Variants in CHRNB4 observed in about 807,000 individuals in gnomAD.
The protein encoded by CHRNB4 is neuronal acetylcholine receptor subunit beta-4.
Under a neutral mutation model 40.4 loss-of-function variants are expected in CHRNB4, and 23 were observed. That is an observed-to-expected ratio of 0.57 (90% CI 0.41 to 0.81). The LOEUF is 0.81. Ranked by LOEUF, CHRNB4 falls within the 30% of genes least tolerant of loss-of-function variation. CHRNB4 has a pLI of 0.00. For synonymous variants in CHRNB4, 285 were observed against 274.4 expected (o/e 1.04, Z -0.38); for missense variants, 568 against 670.6 (o/e 0.85, Z 1.69).
At position 78,624,849 on chromosome 15, in the gene CHRNB4, A is replaced by T; in HGVS notation, c.*284T>A. 1 of 1,005,834 alleles carries T rather than the reference A, an allele frequency of 9.9e-7. No homozygotes were observed. Among genetic ancestry groups the T allele is most frequent in the Non-Finnish European group, 1.4e-6 (1 of 713,402 alleles). The allele number at this position is 1,005,834 out of a possible 1,614,324, so 62.3% of individuals were successfully genotyped here. A position where few individuals can be genotyped will look rare whatever the true frequency, so the allele number is the denominator to read the frequency against. On this transcript the variant is annotated 3_prime_UTR_variant, in exon 6 of 6. Coordinates refer to ENST00000261751, the MANE Select transcript of CHRNB4 (RefSeq NM_000750.5). ...CTGAAGCATAGTAGGTGCTGCTACG[A>T]AGTCATCTTTATCCCCATTGCCCGG... is the stretch of plus-strand genomic sequence containing the variant.
At chr15:78,628,940 G>A in intron 5 of CHRNB4, 27 bp downstream of exon 5, 1 of 1,588,596 alleles carries the variant, frequency 6.3e-7, no homozygotes, top group Admixed American at 1.7e-5. Context: ...TGTTGGGCAG[G>A]TGGGCAGGGG....
chr15:78,660,043 CTAA>C (rs1179362677), intron 1 of CHRNB4, among the ~76,000 whole-genome samples: 2 of 151,984 alleles, frequency 1.3e-5, no homozygotes, highest in Non-Finnish European at 2.9e-5. Context: ...CCCTTCTCTA[CTAA>C]TAATACAAAA....
At chr15:78,634,434 C>T (rs960426511) in intron 2 of CHRNB4, among the ~76,000 whole-genome samples, 10 of 152,330 alleles carry the variant, frequency 6.6e-5, no homozygotes, top group African/African-American at 2.2e-4. Context: ...GGTCCGACTA[C>T]GGAGGGAGAG....
chr15:78,660,763 C>T (rs2054245725), upstream of CHRNB4: 1 of 200,998 alleles, frequency 5.0e-6, no homozygotes, highest in African/African-American at 2.3e-5. Flanking sequence ...TCAGCTTTGC[C>T]CTGGCCTGGG....
At chr15:78,638,631 G>GC (rs959643087) in intron 1 of CHRNB4, among the ~76,000 whole-genome samples, 2 of 152,070 alleles carry the variant, frequency 1.3e-5, no homozygotes, top group African/African-American at 2.4e-5. Flanking sequence ...GGGGGGCCGG[G>GC]GGGGTGGTGC....
chr15:78,630,305 A>G (rs2053775729), intron 4 of CHRNB4, among the ~76,000 whole-genome samples: 1 of 151,890 alleles, frequency 6.6e-6, no homozygotes, highest in South Asian at 2.1e-4. Flanking sequence ...CGCCCGGCTA[A>G]TTTTGTATTT....
At chr15:78,649,638 A>G (rs947506360) in intron 6 of CHRNB4, among the ~76,000 whole-genome samples, 3 of 152,240 alleles carry the variant, frequency 2.0e-5, no homozygotes, top group Admixed American at 1.3e-4. Flanking sequence ...AAAAATGTTA[A>G]GCAAAAAAGT....
intron 1 of CHRNB4, among the ~76,000 whole-genome samples, chr15:78,637,974 T>C (rs1008804242): frequency 6.6e-6 from 1 of 152,098 alleles, no homozygotes; most frequent in Non-Finnish European, 1.5e-5. Context: ...TAGAGCTGGG[T>C]CCCTCCCACA....
intron 4 of CHRNB4, 46 bp downstream of exon 4, chr15:78,631,030 G>A (rs1476574886): frequency 6.7e-7 from 1 of 1,495,878 alleles, no homozygotes; most frequent in Admixed American, 1.7e-5. Context: ...TGGGCCTGCT[G>A]CCCTGGCCTG....
chr15:78,625,399 G>A (rs1367696588), intron 5 of CHRNB4, 108 bp from the exon 6 acceptor site: 2 of 1,059,480 alleles, frequency 1.9e-6, no homozygotes, highest in Non-Finnish European at 2.7e-6. Flanking sequence ...CCACAGGCGT[G>A]GAACTGCATA....
At chr15:78,661,533 A>G (rs1034771987), upstream of CHRNB4, 4 of 540,778 alleles carry the variant, frequency 7.4e-6, no homozygotes, top group African/African-American at 7.7e-5. Flanking sequence ...CAACAGCCTC[A>G]GGTAGATATC....
intron 4 of CHRNB4, among the ~76,000 whole-genome samples, chr15:78,630,397 C>T (rs1175919770): frequency 6.6e-6 from 1 of 152,178 alleles, no homozygotes; most frequent in East Asian, 1.9e-4. Context: ...CTCGGCCTCC[C>T]AAAGTGCTGG....
intron 4 of CHRNB4, among the ~76,000 whole-genome samples, chr15:78,630,204 T>C (rs1335807013): frequency 6.7e-6 from 1 of 150,338 alleles, no homozygotes; most frequent in East Asian, 2.0e-4. Context: ...AATGGTGCAA[T>C]CTCGGCTCAC....
chr15:78,655,721 T>A (rs1462311696), intron 4 of CHRNB4: 1 of 152,078 alleles, frequency 6.6e-6, no homozygotes, highest in Non-Finnish European at 1.5e-5. Context: ...TCCATTTTCA[T>A]ATGCATTTTA....
In CHRNB4 at chr15:78,625,295, C is replaced by A; in HGVS notation, c.1339-4G>T. The A allele has an allele frequency of 6.5e-7, 1 of 1,530,782 alleles. No homozygotes were observed. Among genetic ancestry groups the A allele is most frequent in the Non-Finnish European group, 8.8e-7 (1 of 1,141,090 alleles). 94.8% of individuals were successfully genotyped at this position (1,530,782 alleles called of 1,614,324 possible). A position where few individuals can be genotyped will look rare whatever the true frequency, so the allele number is the denominator to read the frequency against. On this transcript the variant is annotated splice_region_variant and splice_polypyrimidine_tract_variant and intron_variant, in intron 5 of 5. Transcript: ENST00000261751. ...CGTACTTCCAGTCCTCAACGACCTGCAGGCAGACAGAGGAGTTGGTCACAG... is the reference window on the plus strand; with the variant it reads ...CGTACTTCCAGTCCTCAACGACCTGAAGGCAGACAGAGGAGTTGGTCACAG...
intron 1 of CHRNB4, chr15:78,658,505 C>G (rs561926042): frequency 6.6e-6 from 1 of 152,276 alleles, no homozygotes; most frequent in East Asian, 1.9e-4. Context: ...CAGCAACAAC[C>G]GGGGGACAAA....
At position 78,647,861 on chromosome 15, in the gene CHRNB4, CAAAAAAAAAAA is replaced by C. The variant is rs146991423; in HGVS notation, c.46+1507_46+1517del. Among the ~76,000 whole-genome samples the C allele has an allele frequency of 3.8e-4, 15 of 39,128 alleles. 1 individual carries two copies. Among genetic ancestry groups the C allele is most frequent in the Admixed American group, 2.7e-3 (7 of 2,602 alleles). 25.7% of individuals were successfully genotyped at this position (39,128 alleles called of 152,430 possible). ...GGCAACAGAGCGAGAGACTCCATCT[CAAAAAAAAAAA>C]AAAAAAAAAAAAAGAGATTCTATTC... On this transcript the variant is annotated intron_variant and NMD_transcript_variant, in intron 7 of 11. Transcript: ENST00000559849.
chr15:78,655,116 C>T (rs2141411245), intron 5 of CHRNB4, among the ~76,000 whole-genome samples: 1 of 152,322 alleles, frequency 6.6e-6, no homozygotes, highest in East Asian at 1.9e-4. Context: ...TCATCCACCG[C>T]TCCCTCCAAT....
intron 4 of CHRNB4, 104 bp downstream of exon 4, chr15:78,630,972 C>T: frequency 1.2e-6 from 1 of 862,758 alleles, no homozygotes; most frequent in South Asian, 1.4e-5. Flanking sequence ...CTGGGTAAAG[C>T]AGAGATGGGG....
Sources: allele counts gnomAD v4.1 joint callset (sites outside exome capture counted in the v4.1 genomes callset), GRCh38; gene constraint gnomAD v4.1.1; transcripts MANE v1.5; gene names NCBI Gene and HGNC (gene_info 2026-07-23, HGNC 2026-07-21).